The following GPA33 variants were observed in gnomAD, a reference collection of about 807,000 sequenced individuals.
GPA33 encodes glycoprotein A33.
GPA33 carries 27 observed loss-of-function variants against 35.6 expected under a neutral mutation model. The observed-to-expected ratio is 0.76, with a 90% confidence interval of 0.56 to 1.04. The LOEUF is 1.04. Ranked by LOEUF, GPA33 falls within the 50% of genes least tolerant of loss-of-function variation. The probability of loss-of-function intolerance (pLI) is 0.00; values close to 1 mark genes in which losing one functional copy is unlikely to be tolerated. For synonymous variants in GPA33, 176 were observed against 164.0 expected, an observed-to-expected ratio of 1.07 and a Z score of -0.56; for missense variants, 428 against 411.9, an observed-to-expected ratio of 1.04 and a Z score of -0.34.
chr1:167,069,537 G>T (rs1666674268), intron 2 of GPA33, among the ~76,000 whole-genome samples: 1 of 152,192 alleles, frequency 6.6e-6, no homozygotes, highest in Non-Finnish European at 1.5e-5. Context: ...CAGGCATGAT[G>T]CTGGGCAGCC....
At chr1:167,075,027 G>C (rs1361919471) in intron 1 of GPA33, among the ~76,000 whole-genome samples, 1 of 148,144 alleles carries the variant, frequency 6.8e-6, no homozygotes, top group African/African-American at 2.5e-5. Flanking sequence ...TCAGCCTCCC[G>C]AGTAGCTGGG....
At position 167,069,322 on chromosome 1, in the gene GPA33, T is replaced by A. The variant is rs190412257; in HGVS notation, c.199-184A>T. ...TGGATTTCTTGTATTATATATATAT[T>A]TTTTTAGTTTATTTTTAAAATGAAA... On this transcript the variant is annotated intron_variant, in intron 2 of 6. Transcript: ENST00000367868. 4.5e-3 allele frequency among the ~76,000 whole-genome samples: 688 copies of A among 152,224 alleles called. 4 individuals are homozygous for A. The highest frequency in any genetic ancestry group is 0.013 in the African/African-American group (535 of 41,540).
chr1:167,064,128 C>A (rs1666535350), intron 3 of GPA33, among the ~76,000 whole-genome samples: 2 of 151,926 alleles, frequency 1.3e-5, no homozygotes, highest in Admixed American at 6.6e-5. Flanking sequence ...ACTAAAAATA[C>A]AAAAAATTAG....
At chr1:167,064,804 G>A (rs372105716) in intron 3 of GPA33, among the ~76,000 whole-genome samples, 1 of 152,006 alleles carries the variant, frequency 6.6e-6, no homozygotes, top group Non-Finnish European at 1.5e-5. Context: ...CCATAAGCAC[G>A]GGATGATGGG....
At chr1:167,067,569 A>G (rs1227564768) in intron 3 of GPA33, among the ~76,000 whole-genome samples, 4 of 152,262 alleles carry the variant, frequency 2.6e-5, no homozygotes, top group South Asian at 4.1e-4. Context: ...TCCATTGCCC[A>G]AAGGAAATGA....
intron 1 of GPA33, among the ~76,000 whole-genome samples, chr1:167,085,096 T>C (rs1667023535): frequency 6.6e-6 from 1 of 152,132 alleles, no homozygotes; most frequent in African/African-American, 2.4e-5. Context: ...AGGAGAGATG[T>C]TGGGTTTGAA....
chr1:167,077,675 T>G (rs933437195), intron 1 of GPA33, among the ~76,000 whole-genome samples: 2 of 152,110 alleles, frequency 1.3e-5, no homozygotes, highest in Non-Finnish European at 2.9e-5. Context: ...GACAATGGAG[T>G]GTCTAATTAC....
intron 1 of GPA33, among the ~76,000 whole-genome samples, 162 bp downstream of exon 1, chr1:167,090,083 A>C (rs1667124341): frequency 6.6e-6 from 1 of 152,144 alleles, no homozygotes; most frequent in African/African-American, 2.4e-5. Flanking sequence ...AACCATTCTG[A>C]TTCTGGGCAC....
intron 6 of GPA33, 38 bp downstream of exon 6, chr1:167,054,938 C>T: frequency 6.2e-7 from 1 of 1,612,394 alleles, no homozygotes; most frequent in Non-Finnish European, 8.5e-7. Context: ...TCCAGTCTCC[C>T]CAGACCCTTC....
chr1:167,068,720 T>C (rs746543805), intron 3 of GPA33, among the ~76,000 whole-genome samples: 1 of 152,222 alleles, frequency 6.6e-6, no homozygotes, highest in Admixed American at 6.5e-5. Context: ...CTCGAGACTG[T>C]TGGCCATTGG....
intron 4 of GPA33, among the ~76,000 whole-genome samples, chr1:167,061,320 T>A (rs1161258128): frequency 6.6e-6 from 1 of 152,164 alleles, no homozygotes; most frequent in Non-Finnish European, 1.5e-5. Context: ...GGTCTCCATA[T>A]ACACACTTTG....
chr1:167,056,819 GCGTT>G, intron 4 of GPA33, among the ~76,000 whole-genome samples: 1 of 1,906 alleles, frequency 5.2e-4, no homozygotes, highest in African/African-American at 1.9e-3. Flanking sequence ...GTATGTGGCA[GCGTT>G]TGTAGTGTGT....
chr1:167,079,827 GC>G (rs1666890476), intron 1 of GPA33, among the ~76,000 whole-genome samples: 1 of 152,146 alleles, frequency 6.6e-6, no homozygotes, highest in South Asian at 2.1e-4. Context: ...GCAATCACCA[GC>G]TTTTTCACCT....
At chr1:167,078,990 G>C (rs1405633891) in intron 1 of GPA33, among the ~76,000 whole-genome samples, 1 of 152,210 alleles carries the variant, frequency 6.6e-6, no homozygotes, top group Non-Finnish European at 1.5e-5. Flanking sequence ...CTCTGTTGTG[G>C]AGGTGCATCC....
At chr1:167,060,786 G>A (rs184894125) in intron 4 of GPA33, among the ~76,000 whole-genome samples, 6 of 152,232 alleles carry the variant, frequency 3.9e-5, no homozygotes, top group East Asian at 3.9e-4. Flanking sequence ...CCTCCCTAGC[G>A]TAACGCACAG....
Position 167,054,004 on chromosome 1 carries a change from C to T in GPA33, c.*330G>A, listed in dbSNP as rs1186610864. The T allele has an allele frequency of 1.9e-5, 6 of 318,828 alleles. No individual in the cohort carries two copies. The highest frequency in any genetic ancestry group is 2.3e-5 in the Non-Finnish European group (4 of 170,366). 19.7% of individuals were successfully genotyped at this position (318,828 alleles called of 1,614,324 possible). On this transcript the variant is annotated 3_prime_UTR_variant, in exon 7 of 7. Coordinates refer to ENST00000367868, the MANE Select transcript of GPA33 (RefSeq NM_005814.3). ...CTCCCTGGAGAGTTCTGAGTGGGAG[C>T]GCCCCATGCTCAGCGCTGTGCTTCC... is the stretch of plus-strand genomic sequence containing the variant.
intron 3 of GPA33, among the ~76,000 whole-genome samples, chr1:167,064,604 G>T (rs1431232986): frequency 6.6e-6 from 1 of 152,232 alleles, no homozygotes; most frequent in East Asian, 1.9e-4. Context: ...TATTGTCTTT[G>T]TTGCTGCTAC....
chr1:167,056,864 T>TAGTATGTGTGGTGTGTGTGGC, intron 4 of GPA33, among the ~76,000 whole-genome samples: 1 of 20,840 alleles, frequency 4.8e-5, no homozygotes, highest in Non-Finnish European at 1.0e-4. Flanking sequence ...GTGGTGTGTG[T>TAGTATGTGTGGTGTGTGTGGC]GTGGTGTGTG....
At chr1:167,056,648 A>G (rs1475294723) in intron 4 of GPA33, among the ~76,000 whole-genome samples, 18 of 11,110 alleles carry the variant, frequency 1.6e-3, no homozygotes, top group Non-Finnish European at 2.4e-3. Flanking sequence ...TGGTGTGTGT[A>G]GTGTGTGTGG....
Sources: allele counts gnomAD v4.1 joint callset (sites outside exome capture counted in the v4.1 genomes callset), GRCh38; gene constraint gnomAD v4.1.1; transcripts MANE v1.5; gene names NCBI Gene and HGNC (gene_info 2026-07-23, HGNC 2026-07-21).